The following SFT2D1 variants were observed in gnomAD, a reference collection of about 807,000 sequenced individuals.
SFT2D1 encodes the protein SFT2 domain containing 1.
A neutral mutation model predicts 28.1 loss-of-function variants in SFT2D1; 24 were observed. The ratio of observed to expected loss-of-function variants is 0.85; its 90% confidence interval spans 0.62 to 1.20. The LOEUF (loss-of-function observed/expected upper bound fraction) is 1.20, where lower values mean the gene tolerates loss of function less well. Among genes scored for constraint, SFT2D1 ranks in the 50% most tolerant of loss-of-function variants. The pLI is 0.00. For missense variants in SFT2D1, 181 were observed against 190.9 expected, an observed-to-expected ratio of 0.95 and a Z score of 0.31; for synonymous variants, 82 against 73.7, an observed-to-expected ratio of 1.11 and a Z score of -0.58.
At chr6:166,326,047 A>T (rs1280205934) in intron 5 of SFT2D1, 85 bp downstream of exon 5, 1 of 1,264,744 alleles carries the variant, frequency 7.9e-7, no homozygotes, top group East Asian at 2.3e-5. Context: ...CAGATGAGCT[A>T]TTTTAAGATA....
chr6:166,342,303 G>A (rs1391104901), intron 1 of SFT2D1, 116 bp downstream of exon 1: 2 of 862,502 alleles, frequency 2.3e-6, no homozygotes, highest in South Asian at 3.8e-5. Context: ...TCAACCAGCC[G>A]GGCAGAGGAG....
At chr6:166,341,597 TATA>T (rs1468153972) in intron 1 of SFT2D1, among the ~76,000 whole-genome samples, 1 of 152,138 alleles carries the variant, frequency 6.6e-6, no homozygotes, top group African/African-American at 2.4e-5. Context: ...GCTGAGTAAG[TATA>T]ATGACAAGGA....
intron 3 of SFT2D1, among the ~76,000 whole-genome samples, chr6:166,329,032 A>C (rs1268682391): frequency 6.6e-6 from 1 of 152,174 alleles, no homozygotes; most frequent in African/African-American, 2.4e-5. Flanking sequence ...CTCCACAAGA[A>C]CAAAGCCTAG....
At chr6:166,333,414 G>A (rs1018656912) in intron 1 of SFT2D1, among the ~76,000 whole-genome samples, 2 of 152,138 alleles carry the variant, frequency 1.3e-5, no homozygotes, top group Non-Finnish European at 2.9e-5. Flanking sequence ...CTTCCTGCTC[G>A]AAATTACACC....
chr6:166,340,538 C>G (rs1427193682), intron 1 of SFT2D1, among the ~76,000 whole-genome samples: 1 of 152,220 alleles, frequency 6.6e-6, no homozygotes, highest in Admixed American at 6.5e-5. Flanking sequence ...CCACACACCA[C>G]TTGGGACTCT....
intron 1 of SFT2D1, chr6:166,334,823 G>A (rs1484891531): frequency 4.0e-5 from 17 of 428,844 alleles, no homozygotes; most frequent in East Asian, 5.6e-5. Context: ...ACACAAGGTG[G>A]ATGAAGAGTT....
intron 1 of SFT2D1, among the ~76,000 whole-genome samples, chr6:166,337,748 T>C (rs1406501216): frequency 1.3e-5 from 2 of 152,230 alleles, no homozygotes; most frequent in East Asian, 1.9e-4. Context: ...TGAAACATGA[T>C]AAATTAATGC....
intron 5 of SFT2D1, 53 bp downstream of exon 5, chr6:166,326,079 T>C (rs1778438680): frequency 6.6e-7 from 1 of 1,520,388 alleles, no homozygotes. Context: ...ACACGTCAGC[T>C]GGGGTGGGGG....
intron 6 of SFT2D1, 70 bp from the exon 7 acceptor site, chr6:166,322,956 G>GTC: frequency 1.3e-5 from 17 of 1,271,828 alleles, no homozygotes; most frequent in Non-Finnish European, 1.9e-5. Context: ...AAAAGGCCAT[G>GTC]TCTAACCTTA....
chr6:166,340,697 GCTGT>G (rs1331397942), intron 1 of SFT2D1, among the ~76,000 whole-genome samples: 6 of 149,062 alleles, frequency 4.0e-5, no homozygotes, highest in South Asian at 4.3e-4. Flanking sequence ...TTTTTCTGTG[GCTGT>G]CTGACACATT....
chr6:166,322,837 CA>C lies in SFT2D1; in HGVS notation c.440+19del. 6.3e-7 allele frequency: 1 copy of C among 1,599,884 alleles called. No homozygotes were observed. The highest frequency in any genetic ancestry group is 8.6e-7 in the Non-Finnish European group (1 of 1,168,806). ...GATAAGTAAAGAACCAGAAAGAAGACAAGATTCAAACAAGCTTACCTTGCAT... is the reference window on the plus strand; with the variant it reads ...GATAAGTAAAGAACCAGAAAGAAGACAGATTCAAACAAGCTTACCTTGCAT... On this transcript the variant is annotated intron_variant, in intron 7 of 7. Coordinates refer to ENST00000361731, the MANE Select transcript of SFT2D1 (RefSeq NM_145169.3).
chr6:166,324,460 G>C, intron 6 of SFT2D1, 77 bp downstream of exon 6: 1 of 1,407,964 alleles, frequency 7.1e-7, no homozygotes, highest in Non-Finnish European at 9.9e-7. Flanking sequence ...AAATGCTAGG[G>C]CTTCACAGGT....
intron 1 of SFT2D1, among the ~76,000 whole-genome samples, chr6:166,333,316 G>A (rs945871038): frequency 1.3e-5 from 2 of 152,126 alleles, no homozygotes; most frequent in African/African-American, 4.8e-5. Context: ...CCACGTGTGC[G>A]TGGGCAGCCT....
intron 1 of SFT2D1, among the ~76,000 whole-genome samples, chr6:166,337,892 A>G (rs1265792185): frequency 2.6e-5 from 4 of 152,160 alleles, no homozygotes; most frequent in African/African-American, 9.7e-5. Flanking sequence ...GGAGATGATC[A>G]GGTCATGGGG....
At chr6:166,335,753 A>ACCCAT (rs1778637695) in intron 1 of SFT2D1, among the ~76,000 whole-genome samples, 1 of 152,198 alleles carries the variant, frequency 6.6e-6, no homozygotes, top group African/African-American at 2.4e-5. Flanking sequence ...GAAGATTTTA[A>ACCCAT]TCACTGCCAG....
chr6:166,340,269 C>T (rs1210198118), intron 1 of SFT2D1, among the ~76,000 whole-genome samples: 1 of 152,258 alleles, frequency 6.6e-6, no homozygotes, highest in African/African-American at 2.4e-5. Flanking sequence ...GGGCTTCTAA[C>T]ATTGCCTCTA....
Position 166,342,529 on chromosome 6 carries a change from G to T in SFT2D1, c.-48C>A, listed in dbSNP as rs779368789. The T allele has an allele frequency of 5.4e-5, 80 of 1,475,244 alleles. No homozygotes were observed. The highest frequency in any genetic ancestry group is 7.0e-5 in the Non-Finnish European group (76 of 1,082,854). 91.4% of individuals were successfully genotyped at this position (1,475,244 alleles called of 1,614,324 possible). On this transcript the variant is annotated 5_prime_UTR_variant, in exon 1 of 8. Transcript: ENST00000361731. ...GGCCGCCACTCTGTTGCCTGCCCCT[G>T]ACGCCCACCAGGAAACCCCGAACCC... is the stretch of plus-strand genomic sequence containing the variant.
intron 1 of SFT2D1, among the ~76,000 whole-genome samples, chr6:166,338,529 C>T (rs192250905): frequency 1.6e-4 from 24 of 152,132 alleles, no homozygotes; most frequent in Non-Finnish European, 5.9e-5. Context: ...CAAGTGAAGA[C>T]ATCAGGAAGT....
At chr6:166,332,066 A>G (rs978532003) in intron 1 of SFT2D1, among the ~76,000 whole-genome samples, 1 of 152,230 alleles carries the variant, frequency 6.6e-6, no homozygotes, top group Non-Finnish European at 1.5e-5. Context: ...AAACAGCAGG[A>G]CAAATTATTT....
Sources: gnomAD v4.1 joint callset for allele counts (sites outside exome capture counted in the v4.1 genomes callset) on GRCh38, gnomAD v4.1.1 for gene constraint, MANE v1.5 for transcripts, NCBI Gene and HGNC (gene_info 2026-07-23, HGNC 2026-07-21) for gene names.